The following ME1 variants were observed in gnomAD, a reference collection of about 807,000 sequenced individuals.
ME1 encodes the protein malic enzyme 1, also known as NADP-dependent malic enzyme.
Under a neutral mutation model 66.4 loss-of-function variants are expected in ME1, and 74 were observed. That is an observed-to-expected ratio of 1.11 (90% CI 0.92 to 1.35). The LOEUF (loss-of-function observed/expected upper bound fraction) is 1.35. Among genes scored for constraint, ME1 ranks in the 40% most tolerant of loss-of-function variants. The pLI is 0.00. For missense variants in ME1, 750 were observed against 694.1 expected, an observed-to-expected ratio of 1.08 and a Z score of -0.90; for synonymous variants, 251 against 235.6, an observed-to-expected ratio of 1.07 and a Z score of -0.60.
At position 83,359,299 on chromosome 6, in the gene ME1, C is replaced by T. The variant is rs201822637; in HGVS notation, c.363-7160G>A. ...TAGACCTATAACTAGACAAAAGTCC[C>T]GGCAGGCCCCTAGAAGTGAGGTTGA... On this transcript the variant is annotated intron_variant, in intron 3 of 13. Transcript: ENST00000369705. 9.2e-5 allele frequency among the ~76,000 whole-genome samples: 14 copies of T among 152,262 alleles called. No homozygotes were observed. In the East Asian group the frequency reaches 1.9e-3, roughly 21 times the overall value.
At chr6:83,292,550 G>T (rs1471289823) in intron 6 of ME1, among the ~76,000 whole-genome samples, 2 of 152,200 alleles carry the variant, frequency 1.3e-5, no homozygotes, top group Admixed American at 6.5e-5. Flanking sequence ...CTACTGGGAG[G>T]TGTCTCCCAG....
intron 6 of ME1, among the ~76,000 whole-genome samples, chr6:83,270,661 A>AT (rs1007877521): frequency 3.9e-5 from 6 of 152,230 alleles, no homozygotes; most frequent in Admixed American, 2.0e-4. Context: ...TTCACTCAGC[A>AT]TTCAAGTTCT....
rs1790440521 is a variant in ME1 at position 83,237,620 on chromosome 6, A to C, written c.1026+97T>G. 1.3e-5 allele frequency: 8 copies of C among 594,362 alleles called. No individual in the cohort carries two copies. In the South Asian group the frequency reaches 1.8e-4, roughly 14 times the overall value. 36.8% of individuals were successfully genotyped at this position (594,362 alleles called of 1,614,324 possible). ...TATTTAATGGCTACTCTTTTAATAT[A>C]GTGTAAAGGGAGGTGGTAGAAACAG... On this transcript the variant is annotated intron_variant, in intron 9 of 13. Transcript: ENST00000369705.
chr6:83,254,159 T>C (rs1790766782), intron 6 of ME1, among the ~76,000 whole-genome samples: 1 of 152,124 alleles, frequency 6.6e-6, no homozygotes, highest in Non-Finnish European at 1.5e-5. Flanking sequence ...AAAGTAGAGA[T>C]GTGGGGTTTT....
At chr6:83,383,937 T>A (rs1460211966) in intron 3 of ME1, among the ~76,000 whole-genome samples, 2 of 151,894 alleles carry the variant, frequency 1.3e-5, no homozygotes, top group Non-Finnish European at 2.9e-5. Context: ...AAATATACAA[T>A]AAAACATATA....
intron 6 of ME1, among the ~76,000 whole-genome samples, chr6:83,311,249 C>A (rs1767926257): frequency 6.6e-6 from 1 of 152,068 alleles, no homozygotes; most frequent in South Asian, 2.1e-4. Context: ...GCCACAAGAC[C>A]AGTATTTGTA....
chr6:83,415,651 C>A (rs565252679), intron 1 of ME1, among the ~76,000 whole-genome samples: 1 of 152,096 alleles, frequency 6.6e-6, no homozygotes, highest in Non-Finnish European at 1.5e-5. Context: ...ACAAAGAGTG[C>A]TCATGATTTA....
At chr6:83,272,190 T>C (rs1010900645) in intron 6 of ME1, among the ~76,000 whole-genome samples, 1 of 152,150 alleles carries the variant, frequency 6.6e-6, no homozygotes, top group African/African-American at 2.4e-5. Flanking sequence ...TATTAAAGGA[T>C]CCTAGAGATA....
chr6:83,346,255 T>G lies in ME1; in HGVS notation c.518A>C (p.Lys173Thr). The change falls in exon 5 of 14, where the codon AAA (lysine) becomes ACA (threonine). Residue 173 changes from lysine (K) to threonine (T), a missense_variant. Transcript: ENST00000369705. ...TCCGCAAGCTGTATATAGAGCCAAT[T>G]TACCCACAGGGATGCCCATTCCATT... ...GCNGMGIPVGKLALYTACGGM... is the reference protein window; with the variant it reads ...GCNGMGIPVGTLALYTACGGM... 6 of 1,613,606 alleles carry G rather than the reference T, an allele frequency of 3.7e-6. No homozygotes were observed. Among genetic ancestry groups the G allele is most frequent in the Non-Finnish European group, 5.1e-6 (6 of 1,179,672 alleles).
intron 9 of ME1, among the ~76,000 whole-genome samples, chr6:83,234,052 G>C (rs529922451): frequency 3.9e-4 from 60 of 152,226 alleles, no homozygotes; most frequent in Non-Finnish European, 7.8e-4. Context: ...CGAAGTAAGA[G>C]AGACTGACTA....
chr6:83,212,074 T>C lies in ME1; in HGVS notation c.1569A>G (p.Gln523=), dbSNP rs1177901825. 1.0e-5 allele frequency: 16 copies of C among 1,607,858 alleles called. No homozygotes were observed. Among genetic ancestry groups the C allele is most frequent in the Admixed American group, 3.3e-5 (2 of 59,834 alleles). ...IAEKIVKDAY[Q]EKTATVYPEP... ...CAGGATAAACTGTGGCTGTCTTTTC[T>C]TGGTATGCATCTTTCACAATCTAGA... Residue 523 remains glutamine, a synonymous_variant, in exon 14 of 14, where the codon CAA becomes CAG. Transcript: ENST00000369705.
chr6:83,215,222 G>A (rs1218257731), intron 13 of ME1, among the ~76,000 whole-genome samples: 2 of 152,130 alleles, frequency 1.3e-5, no homozygotes, highest in Non-Finnish European at 2.9e-5. Context: ...TAGATAACTT[G>A]CTAATAGCTT....
chr6:83,305,596 G>A (rs1039677585), intron 6 of ME1, among the ~76,000 whole-genome samples: 3 of 152,154 alleles, frequency 2.0e-5, no homozygotes, highest in Admixed American at 1.3e-4. Flanking sequence ...AGTACAGGCA[G>A]CGTGGAGAAT....
rs146673365 is a variant in ME1, at chr6:83,225,205, C to CAAA, written c.1276-1275_1276-1273dup. On this transcript the variant is annotated intron_variant, in intron 11 of 13. Coordinates refer to ENST00000369705, the MANE Select transcript of ME1 (RefSeq NM_002395.6). ...TGGGTGACAGAGCGAGACTCCATCTCAAAAAAAAAAAAAAAAAAAAAAAAA... is the reference window on the plus strand; with the variant it reads ...TGGGTGACAGAGCGAGACTCCATCTCAAAAAAAAAAAAAAAAAAAAAAAAAAAA... Among the ~76,000 whole-genome samples the CAAA allele has an allele frequency of 1.9e-3, 75 of 40,414 alleles. 1 individual carries two copies. Among genetic ancestry groups the CAAA allele is most frequent in the East Asian group, 2.6e-3 (4 of 1,554 alleles). 26.5% of individuals were successfully genotyped at this position (40,414 alleles called of 152,430 possible).
intron 1 of ME1, among the ~76,000 whole-genome samples, chr6:83,421,232 T>C (rs1453820095): frequency 6.6e-6 from 1 of 151,862 alleles, no homozygotes; most frequent in Non-Finnish European, 1.5e-5. Context: ...CAATAATCTT[T>C]ATTATTAATA....
chr6:83,428,730 T>C (rs192467496), intron 1 of ME1, among the ~76,000 whole-genome samples: 7 of 152,326 alleles, frequency 4.6e-5, no homozygotes, highest in Admixed American at 2.6e-4. Flanking sequence ...ATAACCATCC[T>C]AGAACTGAGT....
rs142577259 is a variant in ME1, at chr6:83,416,659, C to T, written c.79-8758G>A. On this transcript the variant is annotated intron_variant, in intron 1 of 13. Coordinates refer to ENST00000369705, the MANE Select transcript of ME1 (RefSeq NM_002395.6). Reference sequence around the variant, plus strand: ...ATCCCAGCAGTTTGGGAGGCCAAGGCAGGAGGATCGCTTGAGCTCAGGAGT... The same window carrying T: ...ATCCCAGCAGTTTGGGAGGCCAAGGTAGGAGGATCGCTTGAGCTCAGGAGT... Among the ~76,000 whole-genome samples the T allele has an allele frequency of 7.1e-3, 1,078 of 152,116 alleles. 14 individuals carry two copies. Among genetic ancestry groups the T allele is most frequent in the African/African-American group, 0.025 (1,032 of 41,498 alleles).
intron 7 of ME1, among the ~76,000 whole-genome samples, chr6:83,253,378 A>G (rs975592793): frequency 1.3e-5 from 2 of 152,168 alleles, no homozygotes; most frequent in African/African-American, 4.8e-5. Flanking sequence ...TTTAGCCATA[A>G]TCACCAGGGA....
At chr6:83,218,816 C>G (rs1051535594) in intron 12 of ME1, among the ~76,000 whole-genome samples, 1 of 152,190 alleles carries the variant, frequency 6.6e-6, no homozygotes, top group East Asian at 1.9e-4. Context: ...CATTTCCCCC[C>G]AAATTCCTCA....
Sources: gnomAD v4.1 joint callset for allele counts (sites outside exome capture counted in the v4.1 genomes callset) on GRCh38, gnomAD v4.1.1 for gene constraint, MANE v1.5 for transcripts, NCBI Gene and HGNC (gene_info 2026-07-23, HGNC 2026-07-21) for gene names.